Variants in LHCGR observed in about 807,000 individuals in gnomAD.
The protein encoded by LHCGR is luteinizing hormone/choriogonadotropin receptor.
A neutral mutation model predicts 60.7 loss-of-function variants in LHCGR; 55 were observed. The observed-to-expected ratio is 0.91, with a 90% CI of 0.73 to 1.13. The LOEUF is 1.13. LHCGR is among the 50% of genes most tolerant of loss of function. The pLI, the probability that LHCGR is intolerant of heterozygous loss-of-function variation, is 0.00. For missense variants in LHCGR, 862 were observed against 836.0 expected (o/e 1.03, Z -0.38); for synonymous variants, 337 against 316.5 (o/e 1.06, Z -0.69).
Position 48,688,248 on chromosome 2 carries a change from T to C in LHCGR, c.1549A>G (p.Met517Val). Residue 517 changes from methionine to valine, a missense_variant, in exon 11 of 11, where the codon ATG (methionine) becomes GTG (valine). Physicochemically the swap from Met to Val is conservative, Grantham distance 21. Coordinates refer to ENST00000294954, the MANE Select transcript of LHCGR (RefSeq NM_000233.4). This position sits in a 1 kb window ranked among gnomAD's most constrained non-coding sequence, Gnocchi z 5.2. ...NYMKVSICFP[M>V]DVETTLSQVY... ...TGTGAGAGAGTGGTTTCCACATCCA[T>C]GGGGAAGCAAATACTGACCTTCATG... 1 of 1,614,150 alleles carries C rather than the reference T, an allele frequency of 6.2e-7. No individual in the cohort carries two copies. Among genetic ancestry groups the C allele is most frequent in the Non-Finnish European group, 8.5e-7 (1 of 1,180,034 alleles).
intron 1 of LHCGR, among the ~76,000 whole-genome samples, chr2:48,750,779 A>T (rs1669922144): frequency 6.6e-6 from 1 of 152,206 alleles, no homozygotes; most frequent in Non-Finnish European, 1.5e-5. Context: ...TAGCACAATG[A>T]TTCAAAACCA....
intron 9 of LHCGR, among the ~76,000 whole-genome samples, chr2:48,697,612 T>TTGATTAATTATA (rs1667181009): frequency 6.6e-6 from 1 of 152,188 alleles, no homozygotes; most frequent in Admixed American, 6.5e-5. Context: ...TGCATACTGG[T>TTGATTAATTATA]TGATTAATTA....
chr2:48,725,617 G>C (rs142588282), intron 4 of LHCGR, 59 bp downstream of exon 4: 1 of 1,182,676 alleles, frequency 8.5e-7, no homozygotes, highest in Non-Finnish European at 1.3e-6. Context: ...TCCTTGTTTT[G>C]ATTTTCATCA....
At chr2:48,737,024 C>A (rs909993799) in intron 1 of LHCGR, among the ~76,000 whole-genome samples, 1 of 152,158 alleles carries the variant, frequency 6.6e-6, no homozygotes, top group African/African-American at 2.4e-5. Flanking sequence ...CTGATGCCCT[C>A]AGGCTGAGGA....
At chr2:48,709,738 G>A in intron 7 of LHCGR, among the ~76,000 whole-genome samples, 1 of 152,178 alleles carries the variant, frequency 6.6e-6, no homozygotes, top group East Asian at 1.9e-4. Flanking sequence ...GCTGCCTTGA[G>A]CTCAAAGTCA....
intron 1 of LHCGR, among the ~76,000 whole-genome samples, chr2:48,739,848 C>T (rs779914245): frequency 3.3e-4 from 50 of 152,064 alleles, no homozygotes; most frequent in Non-Finnish European, 5.9e-4. Flanking sequence ...GAAAGATGGC[C>T]GAATAGGAAC....
chr2:48,732,266 C>T (rs983914358), intron 1 of LHCGR, among the ~76,000 whole-genome samples: 1 of 152,048 alleles, frequency 6.6e-6, no homozygotes, highest in Non-Finnish European at 1.5e-5. Context: ...AGGGAGTGGG[C>T]AAGGATATTT....
chr2:48,729,246 G>A lies in LHCGR; in HGVS notation c.234-19C>T. The A allele has an allele frequency of 6.4e-7, 1 of 1,560,626 alleles. No homozygotes were observed. Among genetic ancestry groups the A allele is most frequent in the Non-Finnish European group, 8.8e-7 (1 of 1,135,646 alleles). Reference sequence around the variant, plus strand: ...GATTTCACTAGGGAAGAGAGGAGGGGGAAAAAGAGAAAGAAACATGAAAGA... The same window carrying A: ...GATTTCACTAGGGAAGAGAGGAGGGAGAAAAAGAGAAAGAAACATGAAAGA... On this transcript the variant is annotated intron_variant, in intron 2 of 10. Coordinates refer to ENST00000294954, the MANE Select transcript of LHCGR (RefSeq NM_000233.4).
At chr2:48,704,602 C>G (rs1222954112) in intron 8 of LHCGR, among the ~76,000 whole-genome samples, 1 of 152,170 alleles carries the variant, frequency 6.6e-6, no homozygotes, top group Non-Finnish European at 1.5e-5. Context: ...TTGACTTCTT[C>G]CTGGTTTAGT....
intron 8 of LHCGR, among the ~76,000 whole-genome samples, chr2:48,708,064 C>A (rs1471591379): frequency 6.6e-6 from 1 of 152,202 alleles, no homozygotes; most frequent in Non-Finnish European, 1.5e-5. Flanking sequence ...TGAGATGAAC[C>A]AGGTACCTCA....
At chr2:48,750,351 C>T (rs1355735845) in intron 1 of LHCGR, among the ~76,000 whole-genome samples, 1 of 152,056 alleles carries the variant, frequency 6.6e-6, no homozygotes, top group African/African-American at 2.4e-5. Flanking sequence ...GGGATTGATT[C>T]TTCCCTACTG....
chr2:48,722,578 G>T (rs1004519690), intron 6 of LHCGR, among the ~76,000 whole-genome samples: 12 of 152,160 alleles, frequency 7.9e-5, no homozygotes, highest in Admixed American at 7.8e-4. Context: ...TTAAAAGTGC[G>T]TGACATCTCC....
At position 48,755,528 on chromosome 2, in the gene LHCGR, C is replaced by A; in HGVS notation, c.144G>T (p.Thr48=). The change falls in exon 1 of 11, where the codon ACG becomes ACT. Residue 48 remains threonine (T), a synonymous_variant. Coordinates refer to ENST00000294954, the MANE Select transcript of LHCGR (RefSeq NM_000233.4). ...GTACTCACAGTCGAGTGAGACCGGCCGTGGGGCCGGGGCAGCGCAGGGCGC... is the reference window on the plus strand; with the variant it reads ...GTACTCACAGTCGAGTGAGACCGGCAGTGGGGCCGGGGCAGCGCAGGGCGC... The part of the protein sequence containing the change: ...PDGALRCPGP[T]AGLTRLSLAY... The A allele has an allele frequency of 1.3e-6, 2 of 1,541,324 alleles. No homozygotes were observed. Among genetic ancestry groups the A allele is most frequent in the South Asian group, 1.2e-5 (1 of 83,562 alleles).
chr2:48,749,496 G>C lies in LHCGR; in HGVS notation c.161+6015C>G, dbSNP rs142710221. 5.7e-3 allele frequency among the ~76,000 whole-genome samples: 867 copies of C among 152,310 alleles called. 11 individuals are homozygous for C. Among genetic ancestry groups the C allele is most frequent in the African/African-American group, 0.02 (816 of 41,564 alleles). On this transcript the variant is annotated intron_variant, in intron 1 of 10. Coordinates refer to ENST00000294954, the MANE Select transcript of LHCGR (RefSeq NM_000233.4). The stretch of plus-strand genomic sequence containing the variant: ...AGCAGCAGGGCTTCTCTTCACCACT[G>C]TGACTCAACTGGCTTTAAAACCTCA...
intron 1 of LHCGR, among the ~76,000 whole-genome samples, chr2:48,752,986 G>C (rs866437734): frequency 3.1e-5 from 2 of 63,854 alleles, no homozygotes; most frequent in African/African-American, 1.2e-4. Flanking sequence ...TTTGGCGGGG[G>C]GGGGGGGGGG....
At chr2:48,732,290 A>G (rs888910464) in intron 1 of LHCGR, among the ~76,000 whole-genome samples, 4 of 152,200 alleles carry the variant, frequency 2.6e-5, no homozygotes, top group Non-Finnish European at 5.9e-5. Context: ...GTGGGAAGTG[A>G]GTATGTGAGT....
chr2:48,751,519 A>G (rs1669954702), intron 1 of LHCGR, among the ~76,000 whole-genome samples: 1 of 152,158 alleles, frequency 6.6e-6, no homozygotes, highest in East Asian at 1.9e-4. Flanking sequence ...TCATTCTGTG[A>G]ATTCCTTAGA....
At chr2:48,740,173 C>T (rs1228303454) in intron 1 of LHCGR, among the ~76,000 whole-genome samples, 1 of 152,248 alleles carries the variant, frequency 6.6e-6, no homozygotes, top group Non-Finnish European at 1.5e-5. Context: ...ATATCCCGCA[C>T]CTGGCTCGGA....
chr2:48,739,200 T>C lies in LHCGR; in HGVS notation c.162-7902A>G, dbSNP rs184200141. Reference sequence around the variant, plus strand: ...AGGATGTGGAGAAATAGGAACACTTTTACACTGTTGGTGGGACTGTGAACT... The same window carrying C: ...AGGATGTGGAGAAATAGGAACACTTCTACACTGTTGGTGGGACTGTGAACT... On this transcript the variant is annotated intron_variant, in intron 1 of 10. Transcript: ENST00000294954. Among the ~76,000 whole-genome samples, 608 of 152,326 alleles carry C rather than the reference T, an allele frequency of 4.0e-3. 1 individual carries two copies. The highest frequency in any genetic ancestry group is 0.014 in the South Asian group (70 of 4,830).
Sources: allele counts gnomAD v4.1 joint callset (sites outside exome capture counted in the v4.1 genomes callset), GRCh38; gene constraint gnomAD v4.1.1; non-coding constraint Gnocchi (gnomAD v3.1); transcripts MANE v1.5; gene names NCBI Gene and HGNC (gene_info 2026-07-23, HGNC 2026-07-21).